Variants in FBXO11 observed in about 807,000 individuals in gnomAD.
FBXO11 encodes F-box protein 11.
Under a neutral mutation model 117.0 loss-of-function variants are expected in FBXO11, and 13 were observed. The observed-to-expected ratio is 0.11, with a 90% CI of 0.07 to 0.18. FBXO11 has a LOEUF of 0.18. FBXO11 is among the 10% of genes least tolerant of loss of function. The pLI, the probability that FBXO11 is intolerant of heterozygous loss-of-function variation, is 1.00. For synonymous variants in FBXO11, 490 were observed against 380.5 expected (o/e 1.29, Z -3.35); for missense variants, 767 against 1,164.4 (o/e 0.66, Z 4.97).
At chr2:47,878,380 C>CA (rs1340898060) in intron 1 of FBXO11, among the ~76,000 whole-genome samples, 1 of 151,486 alleles carries the variant, frequency 6.6e-6, no homozygotes, top group African/African-American at 2.4e-5. Flanking sequence ...TTTTTTAAGA[C>CA]AGAGTCTCAC....
intron 1 of FBXO11, among the ~76,000 whole-genome samples, chr2:47,854,220 C>T (rs141207476): frequency 1.5e-4 from 22 of 150,848 alleles, no homozygotes; most frequent in African/African-American, 4.9e-4. Context: ...TTTTTTGAGA[C>T]GGAGTCTCGC....
chr2:47,853,418 C>G (rs775370279), intron 1 of FBXO11, among the ~76,000 whole-genome samples: 3 of 151,944 alleles, frequency 2.0e-5, no homozygotes, highest in Non-Finnish European at 2.9e-5. Context: ...ATATTTTATT[C>G]AAATATATAA....
Position 47,819,279 on chromosome 2 carries a change from C to T in FBXO11, c.1798-201G>A, listed in dbSNP as rs531966388. Among the ~76,000 whole-genome samples the T allele has an allele frequency of 1.4e-4, 22 of 152,200 alleles. No homozygotes were observed. The East Asian group carries it at 1.7e-3, about 12-fold the overall frequency. On this transcript the variant is annotated intron_variant, in intron 14 of 22. Transcript: ENST00000403359. ...TCGCCCAGGCTGGAGTACAGTGGCG[C>T]GATCTTGGCTCACCACAACCTTCGC... is the stretch of plus-strand genomic sequence containing the variant.
At chr2:47,813,722 C>T (rs966145823) in intron 17 of FBXO11, 69 bp downstream of exon 17, 50 of 1,345,202 alleles carry the variant, frequency 3.7e-5, no homozygotes, top group African/African-American at 3.5e-4. Context: ...CGTGAGCCAC[C>T]GTGCCCGGCC....
chr2:47,865,044 T>C (rs1675090130), intron 1 of FBXO11, among the ~76,000 whole-genome samples: 1 of 152,254 alleles, frequency 6.6e-6, no homozygotes, highest in South Asian at 2.1e-4. Context: ...TCCTGAACTG[T>C]TTCCTGTTTC....
intron 1 of FBXO11, among the ~76,000 whole-genome samples, chr2:47,885,500 A>G (rs1243422111): frequency 2.0e-5 from 3 of 152,030 alleles, no homozygotes; most frequent in Non-Finnish European, 2.9e-5. Context: ...ACTTGAACCC[A>G]GGAGGTGGAG....
chr2:47,895,255 C>G (rs1042359409), intron 1 of FBXO11, among the ~76,000 whole-genome samples: 2 of 152,108 alleles, frequency 1.3e-5, no homozygotes, highest in East Asian at 3.8e-4. Context: ...AATCCTATGT[C>G]CATCAACTGT....
At chr2:47,863,917 G>T (rs1558453867) in intron 1 of FBXO11, among the ~76,000 whole-genome samples, 2 of 151,594 alleles carry the variant, frequency 1.3e-5, no homozygotes, top group African/African-American at 4.8e-5. Flanking sequence ...CTCCAACCTG[G>T]GAGACAGAGT....
At chr2:47,855,643 G>A (rs1338289518) in intron 1 of FBXO11, among the ~76,000 whole-genome samples, 1 of 152,126 alleles carries the variant, frequency 6.6e-6, no homozygotes, top group Non-Finnish European at 1.5e-5. Context: ...AGACCAGCCT[G>A]ACCAACATGG....
chr2:47,822,231 T>G lies in FBXO11; in HGVS notation c.1689A>C (p.Gly563=). 1 of 1,594,360 alleles carries G rather than the reference T, an allele frequency of 6.3e-7. No homozygotes were observed. Among genetic ancestry groups the G allele is most frequent in the Non-Finnish European group, 8.5e-7 (1 of 1,169,650 alleles). The change falls in exon 13 of 23, where the codon GGA becomes GGC. Residue 563 remains glycine, a synonymous_variant. Transcript: ENST00000403359. ...IFGDGRGLIE[G]NDIYGNALAG... The stretch of plus-strand genomic sequence containing the variant: ...CCATACGCTTACCATAAATGTCATT[T>G]CCTTCAATAAGGCCTCGTCCATCAC...
intron 1 of FBXO11, among the ~76,000 whole-genome samples, chr2:47,888,905 A>C (rs1298936668): frequency 1.3e-5 from 2 of 152,166 alleles, no homozygotes; most frequent in Non-Finnish European, 2.9e-5. Context: ...AAGTAATTTG[A>C]TTTGTTCTTG....
intron 1 of FBXO11, among the ~76,000 whole-genome samples, chr2:47,886,693 A>G (rs567549125): frequency 1.3e-5 from 2 of 152,284 alleles, no homozygotes; most frequent in South Asian, 4.1e-4. Flanking sequence ...GAATGAGGTA[A>G]TCCTCTATTT....
intron 1 of FBXO11, among the ~76,000 whole-genome samples, chr2:47,890,355 GAATAAA>G (rs1401239149): frequency 6.6e-6 from 1 of 152,030 alleles, no homozygotes; most frequent in Non-Finnish European, 1.5e-5. Context: ...AAGTTGCTGT[GAATAAA>G]AATATAGATG....
intron 1 of FBXO11, among the ~76,000 whole-genome samples, chr2:47,851,816 G>T (rs1486704770): frequency 6.6e-6 from 1 of 152,166 alleles, no homozygotes; most frequent in Non-Finnish European, 1.5e-5. Flanking sequence ...CAAGAGTGAA[G>T]TATGAAAAGC....
At chr2:47,842,089 C>T (rs903758595) in intron 1 of FBXO11, among the ~76,000 whole-genome samples, 1 of 151,594 alleles carries the variant, frequency 6.6e-6, no homozygotes, top group Non-Finnish European at 1.5e-5. Flanking sequence ...GATCTCGGCT[C>T]ACTGCAACCT....
chr2:47,842,104 C>G (rs1286518036), intron 1 of FBXO11, among the ~76,000 whole-genome samples: 1 of 151,698 alleles, frequency 6.6e-6, no homozygotes, highest in African/African-American at 2.4e-5. Flanking sequence ...CAACCTCCGT[C>G]TCCTGGGTTC....
chr2:47,813,548 C>CA (rs1670784607), intron 17 of FBXO11, among the ~76,000 whole-genome samples, 171 bp from the exon 18 acceptor site: 1 of 146,552 alleles, frequency 6.8e-6, no homozygotes, highest in East Asian at 2.1e-4. Flanking sequence ...TCTCCTGCCT[C>CA]AGCCTCCCAA....
chr2:47,837,892 G>A (rs1672710239), intron 4 of FBXO11, among the ~76,000 whole-genome samples: 1 of 151,716 alleles, frequency 6.6e-6, no homozygotes, highest in African/African-American at 2.4e-5. Context: ...CACCACACCT[G>A]GCCTCTTTTC....
At chr2:47,891,990 G>T (rs1677291917) in intron 1 of FBXO11, among the ~76,000 whole-genome samples, 1 of 152,170 alleles carries the variant, frequency 6.6e-6, no homozygotes, top group Non-Finnish European at 1.5e-5. Context: ...CTAAGTTGCA[G>T]AAGTTCCTTA....
Sources: allele counts gnomAD v4.1 joint callset (sites outside exome capture counted in the v4.1 genomes callset), GRCh38; gene constraint gnomAD v4.1.1; transcripts MANE v1.5; gene names NCBI Gene and HGNC (gene_info 2026-07-23, HGNC 2026-07-21).